The following ACVR1 variants were observed in gnomAD, a reference collection of about 807,000 sequenced individuals.
ACVR1 encodes the protein activin receptor type-1.
ACVR1 carries 38 observed loss-of-function variants against 57.1 expected under a neutral mutation model. The observed-to-expected ratio is 0.67, with a 90% CI of 0.51 to 0.87. The LOEUF is 0.87. Among genes scored for constraint, ACVR1 ranks in the 40% least tolerant of loss-of-function variants. ACVR1 has a pLI of 0.00. For synonymous variants in ACVR1, 212 were observed against 228.1 expected (o/e 0.93, Z 0.63); for missense variants, 463 against 638.2 (o/e 0.73, Z 2.96).
In ACVR1 at chr2:157,737,518, C is replaced by G; in HGVS notation, c.*13G>C. On this transcript the variant is annotated 3_prime_UTR_variant, in exon 11 of 11. Coordinates refer to ENST00000434821, the MANE Select transcript of ACVR1 (RefSeq NM_001111067.4). ...AACAACGTCAAATCTTCCTTCTTGACACTATGAAAATGTCAACAGTCAGTT... is the reference window on the plus strand; with the variant it reads ...AACAACGTCAAATCTTCCTTCTTGAGACTATGAAAATGTCAACAGTCAGTT... 2 of 1,613,900 alleles carry G rather than the reference C, an allele frequency of 1.2e-6. No individual in the cohort carries two copies. The highest frequency in any genetic ancestry group is 1.7e-6 in the Non-Finnish European group (2 of 1,179,912).
intron 1 of ACVR1, among the ~76,000 whole-genome samples, chr2:157,851,499 T>C (rs1222408577): frequency 6.6e-6 from 1 of 152,100 alleles, no homozygotes; most frequent in Non-Finnish European, 1.5e-5. Flanking sequence ...CAGTGGAAGC[T>C]ATGGAGACAT....
chr2:157,848,209 G>A (rs942048332), intron 1 of ACVR1, among the ~76,000 whole-genome samples: 10 of 152,082 alleles, frequency 6.6e-5, no homozygotes, highest in African/African-American at 2.2e-4. Context: ...TCTCTTTAAC[G>A]GGGCTCTGTG....
At position 157,798,478 on chromosome 2, in the gene ACVR1, C is replaced by T. The variant is rs148392711; in HGVS notation, c.67+949G>A. ...TTACTTCATCATGTCTTCTTGTAGA[C>T]TCATGCCCAACTACACCATAATATA... On this transcript the variant is annotated intron_variant, in intron 3 of 10. Coordinates refer to ENST00000434821, the MANE Select transcript of ACVR1 (RefSeq NM_001111067.4). 5.1e-4 allele frequency among the ~76,000 whole-genome samples: 72 copies of T among 140,974 alleles called. No individual in the cohort carries two copies. In the East Asian group the frequency reaches 0.011, roughly 22 times the overall value. 92.5% of individuals were successfully genotyped at this position (140,974 alleles called of 152,430 possible). A position where few individuals can be genotyped will look rare whatever the true frequency, so the allele number is the denominator to read the frequency against.
chr2:157,757,023 T>G (rs141558012), intron 9 of ACVR1, among the ~76,000 whole-genome samples: 1,236 of 120,802 alleles, frequency 0.01, 10 homozygotes, highest in African/African-American at 0.029. Flanking sequence ...ATATATTTGA[T>G]ATATATATAT....
chr2:157,744,684 A>G (rs376443696), intron 9 of ACVR1, among the ~76,000 whole-genome samples: 6 of 152,240 alleles, frequency 3.9e-5, no homozygotes, highest in African/African-American at 1.4e-4. Flanking sequence ...CTGGTGAGAC[A>G]TGATTCAAAA....
At chr2:157,742,442 G>A (rs936142303) in intron 9 of ACVR1, among the ~76,000 whole-genome samples, 7 of 152,170 alleles carry the variant, frequency 4.6e-5, no homozygotes, top group South Asian at 4.1e-4. Context: ...GGCGGCCAGC[G>A]TGACTCAAAG....
At chr2:157,807,564 T>C (rs775154192) in intron 2 of ACVR1, among the ~76,000 whole-genome samples, 33 of 139,808 alleles carry the variant, frequency 2.4e-4, no homozygotes, top group Non-Finnish European at 4.3e-4. Context: ...GACTGGACCA[T>C]TTTTTTTTTT....
chr2:157,750,362 G>A (rs1441429700), intron 9 of ACVR1, among the ~76,000 whole-genome samples: 1 of 152,230 alleles, frequency 6.6e-6, no homozygotes, highest in African/African-American at 2.4e-5. Flanking sequence ...AGGAGCAGAG[G>A]ACCAGCATGC....
intron 3 of ACVR1, chr2:157,790,273 G>C (rs1177782297): frequency 6.6e-6 from 1 of 152,198 alleles, no homozygotes; most frequent in Non-Finnish European, 1.5e-5. Context: ...GGCAAGTTTT[G>C]GTTCCGTTTC....
chr2:157,740,196 A>C (rs548884636), intron 9 of ACVR1, among the ~76,000 whole-genome samples: 1 of 152,294 alleles, frequency 6.6e-6, no homozygotes, highest in Non-Finnish European at 1.5e-5. Flanking sequence ...AAAAAAAAAA[A>C]AAACTAGTTA....
chr2:157,739,413 A>C (rs562316791), intron 9 of ACVR1, among the ~76,000 whole-genome samples: 1 of 152,344 alleles, frequency 6.6e-6, no homozygotes, highest in African/African-American at 2.4e-5. Flanking sequence ...GAATTATATC[A>C]ACTCCTTAAA....
At chr2:157,768,953 C>T (rs759732181) in intron 7 of ACVR1, among the ~76,000 whole-genome samples, 11 of 152,236 alleles carry the variant, frequency 7.2e-5, no homozygotes, top group Non-Finnish European at 8.8e-5. Context: ...TACACAGAGA[C>T]GTTTAACTGC....
At chr2:157,865,686 G>A (rs978881488) in intron 1 of ACVR1, among the ~76,000 whole-genome samples, 15 of 151,778 alleles carry the variant, frequency 9.9e-5, no homozygotes, top group Admixed American at 4.6e-4. Flanking sequence ...CAGCTACTCG[G>A]GAGGCTGAGG....
chr2:157,809,366 T>A (rs1271629326), intron 2 of ACVR1, among the ~76,000 whole-genome samples: 2 of 152,172 alleles, frequency 1.3e-5, no homozygotes, highest in Non-Finnish European at 2.9e-5. Flanking sequence ...CAGAATCAGA[T>A]AATTGTGGTA....
intron 1 of ACVR1, among the ~76,000 whole-genome samples, chr2:157,863,069 T>C (rs1360009281): frequency 3.3e-4 from 38 of 115,770 alleles, no homozygotes; most frequent in African/African-American, 1.3e-3. Context: ...TCACCCAGGC[T>C]GGAATGCGGT....
chr2:157,820,560 CAG>C (rs1418775200), intron 1 of ACVR1, among the ~76,000 whole-genome samples: 1 of 151,858 alleles, frequency 6.6e-6, no homozygotes, highest in Non-Finnish European at 1.5e-5. Flanking sequence ...TTTTAAAAAT[CAG>C]AGACTCTCTC....
At chr2:157,856,019 C>T (rs548756055) in intron 1 of ACVR1, among the ~76,000 whole-genome samples, 73 of 151,946 alleles carry the variant, frequency 4.8e-4, no homozygotes, top group Non-Finnish European at 8.8e-4. Context: ...TCCTCTTCCT[C>T]AACCTACGAC....
intron 9 of ACVR1, among the ~76,000 whole-genome samples, chr2:157,749,320 T>C (rs1360891249): frequency 6.6e-6 from 1 of 152,192 alleles, no homozygotes; most frequent in Non-Finnish European, 1.5e-5. Flanking sequence ...TTAAAAATGA[T>C]TGACAAGTGC....
At chr2:157,796,448 G>C (rs1247077646) in intron 3 of ACVR1, among the ~76,000 whole-genome samples, 1 of 152,036 alleles carries the variant, frequency 6.6e-6, no homozygotes, top group African/African-American at 2.4e-5. Context: ...CAGCTACTCA[G>C]GAGGCTGACG....
Sources: allele counts gnomAD v4.1 joint callset (sites outside exome capture counted in the v4.1 genomes callset), GRCh38; gene constraint gnomAD v4.1.1; transcripts MANE v1.5; gene names NCBI Gene and HGNC (gene_info 2026-07-23, HGNC 2026-07-21).